The following XRCC4 variants were observed in gnomAD, a reference collection of about 807,000 sequenced individuals.
The protein encoded by XRCC4 is DNA repair protein XRCC4.
XRCC4 carries 28 observed loss-of-function variants against 39.1 expected under a neutral mutation model. The ratio of observed to expected loss-of-function variants is 0.72; its 90% CI spans 0.53 to 0.98. The LOEUF (loss-of-function observed/expected upper bound fraction) is 0.98. Among genes scored for constraint, XRCC4 ranks in the 50% least tolerant of loss-of-function variants. The pLI is 0.00. For missense variants in XRCC4, 350 were observed against 376.4 expected (o/e 0.93, Z 0.58); for synonymous variants, 123 against 126.4 (o/e 0.97, Z 0.18).
At chr5:83,282,469 G>C (rs1048723774) in intron 7 of XRCC4, among the ~76,000 whole-genome samples, 16 of 151,956 alleles carry the variant, frequency 1.1e-4, no homozygotes, top group Admixed American at 6.6e-5. Context: ...ACTTCAATCA[G>C]AGTAGTTTCA....
rs1412727302 is a variant in XRCC4, at chr5:83,272,272, A to G, written c.893+13595A>G. Among the ~76,000 whole-genome samples the G allele has an allele frequency of 2.0e-5, 3 of 152,118 alleles. No individual in the cohort carries two copies. In the South Asian group the frequency reaches 6.2e-4, roughly 32 times the overall value. ...ATTTGCTTTTCACTGAATGCATTTA[A>G]TTTTCCAGTGTTCCATTAAAGTCAT... On this transcript the variant is annotated intron_variant, in intron 7 of 7. Coordinates refer to ENST00000396027, the MANE Select transcript of XRCC4 (RefSeq NM_003401.5).
chr5:83,212,254 A>G (rs1362817884), intron 6 of XRCC4, among the ~76,000 whole-genome samples: 1 of 152,210 alleles, frequency 6.6e-6, no homozygotes, highest in East Asian at 1.9e-4. Flanking sequence ...ATAAGGAGAT[A>G]GAAATTATTT....
At chr5:83,243,868 G>C (rs2112854279) in intron 6 of XRCC4, among the ~76,000 whole-genome samples, 1 of 152,236 alleles carries the variant, frequency 6.6e-6, no homozygotes, top group Non-Finnish European at 1.5e-5. Context: ...GACCTACCCG[G>C]CATTCCTAAT....
At chr5:83,189,600 G>T (rs1750603322) in intron 3 of XRCC4, among the ~76,000 whole-genome samples, 1 of 152,140 alleles carries the variant, frequency 6.6e-6, no homozygotes, top group Non-Finnish European at 1.5e-5. Context: ...GGGAAGATGA[G>T]ATTAGTAGTT....
At chr5:83,256,174 T>C (rs1418096697) in intron 6 of XRCC4, among the ~76,000 whole-genome samples, 1 of 152,192 alleles carries the variant, frequency 6.6e-6, no homozygotes, top group Non-Finnish European at 1.5e-5. Context: ...GAGTACAGAT[T>C]TCTGATCCCA....
intron 7 of XRCC4, among the ~76,000 whole-genome samples, chr5:83,350,977 G>C (rs984247878): frequency 5.3e-5 from 8 of 152,170 alleles, no homozygotes; most frequent in East Asian, 1.9e-4. Context: ...GTTTGGATTG[G>C]TGTCCCCACC....
chr5:83,132,843 G>C (rs10038402), intron 3 of XRCC4, among the ~76,000 whole-genome samples: 14 of 151,820 alleles, frequency 9.2e-5, no homozygotes, highest in Non-Finnish European at 1.9e-4. Flanking sequence ...CCTTTAGCTC[G>C]GAGAAGTTTG....
At chr5:83,253,324 G>A (rs1195470379) in intron 6 of XRCC4, among the ~76,000 whole-genome samples, 2 of 152,138 alleles carry the variant, frequency 1.3e-5, no homozygotes, top group African/African-American at 4.8e-5. Flanking sequence ...GTAGGCAATG[G>A]GAAACCACTC....
chr5:83,156,501 G>T (rs901266816), intron 3 of XRCC4, among the ~76,000 whole-genome samples: 1 of 151,908 alleles, frequency 6.6e-6, no homozygotes, highest in Non-Finnish European at 1.5e-5. Flanking sequence ...TGTGATAATC[G>T]TATTTCATTC....
Position 83,282,760 on chromosome 5 carries a change from C to T in XRCC4, c.893+24083C>T, listed in dbSNP as rs146284821. On this transcript the variant is annotated intron_variant, in intron 7 of 7. Transcript: ENST00000396027. Reference sequence around the variant, plus strand: ...GGGAGGCTGAGACAGGAGAATGGCACGAACCCGGAAGGTGGAGCTTGCAGT... The same window carrying T: ...GGGAGGCTGAGACAGGAGAATGGCATGAACCCGGAAGGTGGAGCTTGCAGT... Among the ~76,000 whole-genome samples, 554 of 151,974 alleles carry T rather than the reference C, an allele frequency of 3.6e-3. 11 individuals carry two copies. The East Asian group carries it at 0.071, about 20-fold the overall frequency.
At chr5:83,205,575 T>C (rs1421746578) in intron 6 of XRCC4, among the ~76,000 whole-genome samples, 1 of 152,284 alleles carries the variant, frequency 6.6e-6, no homozygotes, top group Non-Finnish European at 1.5e-5. Context: ...GGTTTTGACC[T>C]AAAACCAATA....
chr5:83,321,474 G>T (rs2112132833), intron 7 of XRCC4, among the ~76,000 whole-genome samples: 1 of 152,100 alleles, frequency 6.6e-6, no homozygotes, highest in East Asian at 1.9e-4. Context: ...GGAAATACTT[G>T]TGTATAAATA....
chr5:83,261,051 T>A (rs1042946124), intron 7 of XRCC4, among the ~76,000 whole-genome samples: 1 of 151,952 alleles, frequency 6.6e-6, no homozygotes, highest in Non-Finnish European at 1.5e-5. Context: ...TTTTTTCTTA[T>A]TTTTTTATAC....
intron 4 of XRCC4, among the ~76,000 whole-genome samples, chr5:83,196,478 G>T (rs553555290): frequency 6.6e-6 from 1 of 151,770 alleles, no homozygotes; most frequent in Non-Finnish European, 1.5e-5. Flanking sequence ...TTATGGCTTT[G>T]CCTCTTTTTA....
intron 3 of XRCC4, among the ~76,000 whole-genome samples, chr5:83,119,999 A>AC (rs1344268015): frequency 1.7e-5 from 2 of 118,244 alleles, no homozygotes; most frequent in African/African-American, 3.8e-5. Flanking sequence ...CTTGTCTCAC[A>AC]AAAAAAAAAA....
rs977233982 is a variant in XRCC4 at position 83,169,689 on chromosome 5, C to A, written c.316-26081C>A. 2.6e-5 allele frequency among the ~76,000 whole-genome samples: 4 copies of A among 152,050 alleles called. No homozygotes were observed. The South Asian group carries it at 8.3e-4, about 31-fold the overall frequency. On this transcript the variant is annotated intron_variant, in intron 3 of 7. Coordinates refer to ENST00000396027, the MANE Select transcript of XRCC4 (RefSeq NM_003401.5). ...AATGTTCATAGTGGGTCTTACTTGT[C>A]TTTTACACATTTGGTCTCCTGTGTT...
At chr5:83,290,081 C>T (rs1164612751) in intron 7 of XRCC4, among the ~76,000 whole-genome samples, 2 of 151,750 alleles carry the variant, frequency 1.3e-5, no homozygotes, top group Non-Finnish European at 2.9e-5. Flanking sequence ...GTGGCCTCTA[C>T]CCCAGGTAAC....
chr5:83,217,358 C>CAAAAAAAAAA (rs59416363), intron 6 of XRCC4, among the ~76,000 whole-genome samples: 9 of 96,146 alleles, frequency 9.4e-5, no homozygotes, highest in African/African-American at 3.8e-4. Context: ...GACTCCGTCT[C>CAAAAAAAAAA]AAAAAAAAAA....
intron 6 of XRCC4, among the ~76,000 whole-genome samples, chr5:83,224,692 C>T (rs531881724): frequency 1.3e-5 from 2 of 152,170 alleles, no homozygotes; most frequent in South Asian, 4.1e-4. Context: ...TTTTGTAATG[C>T]GTGGTGATAA....
Sources: gnomAD v4.1 joint callset for allele counts (sites outside exome capture counted in the v4.1 genomes callset) on GRCh38, gnomAD v4.1.1 for gene constraint, MANE v1.5 for transcripts, NCBI Gene and HGNC (gene_info 2026-07-23, HGNC 2026-07-21) for gene names.